DGKB: variants seen among roughly 807,000 people sequenced by gnomAD.
The protein encoded by DGKB is diacylglycerol kinase beta, also known as 90 kDa diacylglycerol kinase.
A neutral mutation model predicts 114.3 loss-of-function variants in DGKB; 67 were observed. The observed-to-expected ratio is 0.59, with a 90% CI of 0.48 to 0.72. The LOEUF is 0.72. Ranked by LOEUF, DGKB falls within the 30% of genes least tolerant of loss-of-function variation. The probability of loss-of-function intolerance (pLI) is 0.00; values close to 1 mark genes in which losing one functional copy is unlikely to be tolerated. For synonymous variants in DGKB, 398 were observed against 323.1 expected (o/e 1.23, Z -2.49); for missense variants, 907 against 975.2 (o/e 0.93, Z 0.93).
At chr7:14,973,323 TA>T (rs1485142524) in intron 1 of DGKB, among the ~76,000 whole-genome samples, 1 of 151,872 alleles carries the variant, frequency 6.6e-6, no homozygotes, top group African/African-American at 2.4e-5. Context: ...TCCTCATCTA[TA>T]TTGTGTATAT....
intron 13 of DGKB, among the ~76,000 whole-genome samples, chr7:14,639,597 G>C (rs778418649): frequency 9.2e-5 from 14 of 152,170 alleles, no homozygotes; most frequent in Non-Finnish European, 1.9e-4. Context: ...GGAAAGGCCA[G>C]CCTTCTTGCC....
rs1475695106 is a variant in DGKB at position 14,148,331 on chromosome 7, C to T, written c.*800G>A. 1 of 152,560 alleles carries T rather than the reference C, an allele frequency of 6.6e-6. No homozygotes were observed. The highest frequency in any genetic ancestry group is 2.1e-4 in the South Asian group (1 of 4,832). The allele number at this position is 152,560 out of a possible 1,614,324, so 9.5% of individuals were successfully genotyped here. ...TGTTTTCTGAATCTTTGGTGGGAAACACATTGATTAGGCACATAGTTTAAA... is the reference window on the plus strand; with the variant it reads ...TGTTTTCTGAATCTTTGGTGGGAAATACATTGATTAGGCACATAGTTTAAA... On this transcript the variant is annotated 3_prime_UTR_variant, in exon 26 of 26. Coordinates refer to ENST00000402815, the MANE Select transcript of DGKB (RefSeq NM_001350709.2).
rs75786677 is a variant in DGKB at position 14,957,608 on chromosome 7, A to G, written c.-188+17088T>C. Reference sequence around the variant, plus strand: ...TTGAAACTCCTTCTTTATAAGTTACATATTGCCATTTATATACTGTATCTT... The same window carrying G: ...TTGAAACTCCTTCTTTATAAGTTACGTATTGCCATTTATATACTGTATCTT... On this transcript the variant is annotated intron_variant, in intron 1 of 4. Coordinates refer to the DGKB transcript ENST00000437998. Among the ~76,000 whole-genome samples the G allele has an allele frequency of 4.7e-3, 720 of 152,164 alleles. 6 individuals are homozygous for G. Among genetic ancestry groups the G allele is most frequent in the African/African-American group, 0.016 (652 of 41,536 alleles).
chr7:14,208,906 C>G (rs1233599998), intron 23 of DGKB, among the ~76,000 whole-genome samples: 1 of 149,156 alleles, frequency 6.7e-6, no homozygotes, highest in African/African-American at 2.5e-5. Flanking sequence ...TTTCATTTAT[C>G]CTTTTTACTT....
chr7:14,552,130 C>T (rs1413642202), intron 20 of DGKB, among the ~76,000 whole-genome samples: 2 of 152,104 alleles, frequency 1.3e-5, no homozygotes, highest in Admixed American at 6.5e-5. Context: ...TCCCTGAGCC[C>T]TTACTTATTT....
At chr7:14,428,500 T>C (rs1827929278) in intron 21 of DGKB, among the ~76,000 whole-genome samples, 1 of 152,196 alleles carries the variant, frequency 6.6e-6, no homozygotes, top group African/African-American at 2.4e-5. Context: ...CTTCTGCTCA[T>C]ACCAATATTT....
chr7:14,463,821 T>A (rs1833434534), intron 21 of DGKB, among the ~76,000 whole-genome samples: 3 of 152,114 alleles, frequency 2.0e-5, no homozygotes, highest in Non-Finnish European at 4.4e-5. Flanking sequence ...AATAAAATAA[T>A]CCAGAAAAAT....
In DGKB at chr7:14,736,069, T is replaced by TA; in HGVS notation, c.293dup (p.Ser100LysfsTer2). 6.2e-7 allele frequency: 1 copy of TA among 1,607,552 alleles called. No individual in the cohort carries two copies. On this transcript the variant is annotated frameshift_variant, in exon 5 of 26. Coordinates refer to ENST00000402815, the MANE Select transcript of DGKB (RefSeq NM_001350709.2). LOFTEE classifies it high-confidence loss of function. Reference sequence around the variant, plus strand: ...CTGATAGGAGAGCAGGCTTACTTTTTACCATTGGACTAGAATGAGGAAACT... The same window carrying TA: ...CTGATAGGAGAGCAGGCTTACTTTTTAACCATTGGACTAGAATGAGGAAACT...
intron 2 of DGKB, among the ~76,000 whole-genome samples, chr7:14,835,014 A>G (rs913407398): frequency 2.2e-4 from 34 of 152,268 alleles, no homozygotes; most frequent in Middle Eastern, 3.4e-3. Context: ...CAGTACAACA[A>G]ATAGGAACCA....
intron 16 of DGKB, among the ~76,000 whole-genome samples, chr7:14,612,895 T>C (rs560379669): frequency 6.6e-6 from 1 of 152,276 alleles, no homozygotes; most frequent in South Asian, 2.1e-4. Flanking sequence ...ATTGTACTTC[T>C]CCAGGAAATA....
chr7:14,225,166 A>T (rs1301646319), intron 23 of DGKB, among the ~76,000 whole-genome samples: 1 of 152,058 alleles, frequency 6.6e-6, no homozygotes, highest in African/African-American at 2.4e-5. Flanking sequence ...AAATTAAGTC[A>T]GTTCCTGTGG....
chr7:14,237,691 A>T (rs1038758861), intron 23 of DGKB, among the ~76,000 whole-genome samples: 8 of 152,156 alleles, frequency 5.3e-5, no homozygotes, highest in South Asian at 2.1e-4. Context: ...TAGAATCAAT[A>T]ATATGATTAC....
At chr7:14,402,801 T>A (rs1823343735) in intron 21 of DGKB, among the ~76,000 whole-genome samples, 1 of 151,864 alleles carries the variant, frequency 6.6e-6, no homozygotes, top group Non-Finnish European at 1.5e-5. Context: ...ATAAAGCAGA[T>A]AATCCTCCCT....
rs556585199 is a variant in DGKB at position 14,592,761 on chromosome 7, G to A, written c.1434-9624C>T. On this transcript the variant is annotated intron_variant, in intron 17 of 25. Coordinates refer to ENST00000402815, the MANE Select transcript of DGKB (RefSeq NM_001350709.2). The stretch of plus-strand genomic sequence containing the variant: ...CAAAATGGGGGAAAGGTTATTTCAT[G>A]TTTTTCTCTGTGGGTTTCGATGTTT... Among the ~76,000 whole-genome samples, 3 of 151,480 alleles carry A rather than the reference G, an allele frequency of 2.0e-5. No homozygotes were observed. The East Asian group carries it at 5.8e-4, about 29-fold the overall frequency.
intron 1 of DGKB, among the ~76,000 whole-genome samples, chr7:14,929,763 T>C (rs1364883021): frequency 6.6e-6 from 1 of 152,132 alleles, no homozygotes; most frequent in Non-Finnish European, 1.5e-5. Context: ...TTGTTGCCTA[T>C]AATTTTGAGG....
chr7:14,319,730 A>G (rs77342472), intron 23 of DGKB, among the ~76,000 whole-genome samples: 2,822 of 152,312 alleles, frequency 0.019, 154 homozygotes, highest in East Asian at 0.15. Context: ...AATCCTCTAA[A>G]GAGTCAATTC....
In DGKB at chr7:14,846,485, T is replaced by C. The variant is rs534796833; in HGVS notation, c.-187-5035A>G. ...AATTTCAAATACAGAGGCACAGCTA[T>C]ATCTCATGCCTCAGAAGGTAATGAA... On this transcript the variant is annotated intron_variant, in intron 1 of 25. Transcript: ENST00000402815. 2.0e-5 allele frequency among the ~76,000 whole-genome samples: 3 copies of C among 152,346 alleles called. No individual in the cohort carries two copies. In the East Asian group the frequency reaches 5.8e-4, roughly 29 times the overall value.
intron 1 of DGKB, among the ~76,000 whole-genome samples, chr7:14,966,349 C>T (rs550407016): frequency 1.3e-3 from 202 of 152,028 alleles, no homozygotes; most frequent in Non-Finnish European, 2.6e-3. Flanking sequence ...CAAGCTGGTA[C>T]TATCAGAATG....
At chr7:14,413,355 G>T (rs767266014) in intron 21 of DGKB, among the ~76,000 whole-genome samples, 20 of 152,122 alleles carry the variant, frequency 1.3e-4, no homozygotes, top group Non-Finnish European at 2.5e-4. Context: ...GGGAGATAGG[G>T]AACACTATTA....
Sources: gnomAD v4.1 joint callset for allele counts (sites outside exome capture counted in the v4.1 genomes callset) on GRCh38, gnomAD v4.1.1 for gene constraint, MANE v1.5 for transcripts, NCBI Gene and HGNC (gene_info 2026-07-23, HGNC 2026-07-21) for gene names.